The following MYO18B variants were observed in gnomAD, a reference collection of about 807,000 sequenced individuals.
MYO18B encodes myosin XVIIIB.
A neutral mutation model predicts 273.0 loss-of-function variants in MYO18B; 204 were observed. That is an observed-to-expected ratio of 0.75 (90% CI 0.67 to 0.84). MYO18B has a LOEUF of 0.84. Among genes scored for constraint, MYO18B ranks in the 40% least tolerant of loss-of-function variants. MYO18B has a pLI of 0.00. For missense variants in MYO18B, 3,212 were observed against 3,287.6 expected, an observed-to-expected ratio of 0.98 and a Z score of 0.56; for synonymous variants, 1,330 against 1,305.7, an observed-to-expected ratio of 1.02 and a Z score of -0.40.
chr22:25,790,662 C>T (rs1327920824), intron 11 of MYO18B, among the ~76,000 whole-genome samples: 1 of 152,218 alleles, frequency 6.6e-6, no homozygotes, highest in African/African-American at 2.4e-5. Context: ...CAACTCACCA[C>T]CACTTAACTA....
At chr22:25,981,265 C>T (rs1047380253) in intron 39 of MYO18B, among the ~76,000 whole-genome samples, 17 of 152,196 alleles carry the variant, frequency 1.1e-4, no homozygotes, top group African/African-American at 3.6e-4. Context: ...ATGTGTTTCT[C>T]GAGATGAGAA....
chr22:25,758,824 T>C lies in MYO18B; in HGVS notation c.-109-2160T>C, dbSNP rs564132742. Among the ~76,000 whole-genome samples, 155 of 151,940 alleles carry C rather than the reference T, an allele frequency of 1.0e-3. 1 individual carries two copies. The highest frequency in any genetic ancestry group is 2.8e-3 in the Admixed American group (42 of 15,262). ...CCAGACTGGAGTGCAGTGGCATGAT[T>C]TCTGCTCACTGCAAACTCCTCCTCC... On this transcript the variant is annotated intron_variant, in intron 1 of 43. Transcript: ENST00000335473.
At chr22:26,051,152 A>T in the MYO18B span, among the ~76,000 whole-genome samples, 4 of 152,008 alleles carry the variant, frequency 2.6e-5, no homozygotes, top group Admixed American at 1.3e-4. Flanking sequence ...ATTATCTACA[A>T]GATGCATGCT....
chr22:25,903,576 G>A, intron 30 of MYO18B, 55 bp from the exon 31 acceptor site: 1 of 1,522,888 alleles, frequency 6.6e-7, no homozygotes, highest in Non-Finnish European at 8.9e-7. Context: ...ATCCCTGGGG[G>A]AGGAGGGAGG....
chr22:26,054,776 A>G, the MYO18B span, among the ~76,000 whole-genome samples: 22 of 152,254 alleles, frequency 1.4e-4, no homozygotes, highest in African/African-American at 5.3e-4. Context: ...TTTGGCACCA[A>G]TGTCGATGGG....
chr22:25,832,388 A>G (rs2089739837), intron 15 of MYO18B, among the ~76,000 whole-genome samples: 1 of 152,282 alleles, frequency 6.6e-6, no homozygotes. Flanking sequence ...GACAAGCAAA[A>G]TGAGATACGC....
At chr22:25,758,399 G>A (rs2086194564) in intron 1 of MYO18B, among the ~76,000 whole-genome samples, 1 of 150,022 alleles carries the variant, frequency 6.7e-6, no homozygotes, top group African/African-American at 2.5e-5. Flanking sequence ...TGACTTTGTA[G>A]CGACATTATT....
chr22:25,868,224 C>A, intron 21 of MYO18B, 96 bp from the exon 22 acceptor site: 1 of 1,022,878 alleles, frequency 9.8e-7, no homozygotes, highest in Non-Finnish European at 1.5e-6. Flanking sequence ...GGTCATCCTC[C>A]GTCCTGGCGC....
chr22:26,024,811 G>A (rs1436762361), intron 42 of MYO18B, among the ~76,000 whole-genome samples: 1 of 152,216 alleles, frequency 6.6e-6, no homozygotes, highest in Admixed American at 6.5e-5. Context: ...CTAGGTGCCT[G>A]TCTCAGTCTC....
In MYO18B at chr22:25,890,916, G is replaced by C. The variant is rs549541034; in HGVS notation, c.4434+41G>C. 4.4e-6 allele frequency: 7 copies of C among 1,600,692 alleles called. No individual in the cohort carries two copies. The Admixed American group carries it at 1.0e-4, about 24-fold the overall frequency. On this transcript the variant is annotated intron_variant, in intron 26 of 43. Coordinates refer to ENST00000335473, the MANE Select transcript of MYO18B (RefSeq NM_032608.7). ...TGGCCAGGGGTGGCTGAACACGGTG[G>C]CTAAAAATGGTTGGGTCTGCTCCCC...
In MYO18B at chr22:25,891,333, G is replaced by T; in HGVS notation, c.4464G>T (p.Leu1488=). Residue 1488 remains leucine, a synonymous_variant, in exon 27 of 44, where the codon CTG becomes CTT. Coordinates refer to ENST00000335473, the MANE Select transcript of MYO18B (RefSeq NM_032608.7). ...KSKHEQVQKK[L]GDVNKQLEEA... ...AGCATGAACAAGTCCAGAAAAAACT[G>T]GGAGATGTGAATAAACAGTTGGAAG... 6.3e-7 allele frequency: 1 copy of T among 1,579,696 alleles called. No homozygotes were observed. The highest frequency in any genetic ancestry group is 2.3e-5 in the East Asian group (1 of 43,168).
At chr22:25,762,059 G>A (rs56051573) in intron 2 of MYO18B, among the ~76,000 whole-genome samples, 4,685 of 151,728 alleles carry the variant, frequency 0.031, 234 homozygotes, top group African/African-American at 0.11. Context: ...AGCCAAGATC[G>A]CGCCATTGCA....
Position 25,934,615 on chromosome 22 carries a change from A to C in MYO18B, c.5518-11522A>C, listed in dbSNP as rs1601614709. ...ACATTTTAGGGAGACATGAGACATCAATCAATATGTGTAAGAAGTACAGTG... is the reference window on the plus strand; with the variant it reads ...ACATTTTAGGGAGACATGAGACATCCATCAATATGTGTAAGAAGTACAGTG... On this transcript the variant is annotated intron_variant, in intron 34 of 43. Transcript: ENST00000335473. Among the ~76,000 whole-genome samples, 3 of 152,206 alleles carry C rather than the reference A, an allele frequency of 2.0e-5. No individual in the cohort carries two copies. In the South Asian group the frequency reaches 6.2e-4, roughly 32 times the overall value.
chr22:25,842,396 G>C (rs544612370), intron 17 of MYO18B, among the ~76,000 whole-genome samples: 1 of 152,282 alleles, frequency 6.6e-6, no homozygotes, highest in South Asian at 2.1e-4. Context: ...CTGGGGGCCA[G>C]GTGCGGTGGC....
intron 39 of MYO18B, among the ~76,000 whole-genome samples, chr22:25,960,694 C>T (rs921843191): frequency 9.9e-5 from 15 of 152,144 alleles, no homozygotes; most frequent in African/African-American, 3.6e-4. Flanking sequence ...CCTCCTGACC[C>T]ATTTTTGCTC....
intron 38 of MYO18B, 143 bp from the exon 39 acceptor site, chr22:25,955,036 C>T: frequency 1.1e-6 from 1 of 905,354 alleles, no homozygotes; most frequent in South Asian, 2.1e-5. Flanking sequence ...GTTAATTCTT[C>T]ATTTTTGTAG....
Position 25,992,505 on chromosome 22 carries a change from G to C in MYO18B, c.6287+12G>C. Reference sequence around the variant, plus strand: ...AGTGATACTGAGAGGTAACTTGCTAGGGGCTCGGCGGGGCTGGGCGCAGCA... The same window carrying C: ...AGTGATACTGAGAGGTAACTTGCTACGGGCTCGGCGGGGCTGGGCGCAGCA... On this transcript the variant is annotated intron_variant, in intron 40 of 43. Transcript: ENST00000335473. The C allele has an allele frequency of 6.2e-7, 1 of 1,613,576 alleles. No individual in the cohort carries two copies. The highest frequency in any genetic ancestry group is 1.3e-5 in the African/African-American group (1 of 75,042).
intron 12 of MYO18B, among the ~76,000 whole-genome samples, chr22:25,814,131 G>A (rs1010840751): frequency 6.6e-6 from 1 of 152,098 alleles, no homozygotes; most frequent in African/African-American, 2.4e-5. Context: ...GGTGGAGTGA[G>A]GAGATTAGGA....
the MYO18B span, among the ~76,000 whole-genome samples, chr22:26,056,464 A>T: frequency 6.6e-6 from 1 of 152,176 alleles, no homozygotes; most frequent in East Asian, 1.9e-4. Flanking sequence ...TCTACCTTCC[A>T]CAAAGGAGAC....
Sources: allele counts gnomAD v4.1 joint callset (sites outside exome capture counted in the v4.1 genomes callset), GRCh38; gene constraint gnomAD v4.1.1; transcripts MANE v1.5; gene names NCBI Gene and HGNC (gene_info 2026-07-23, HGNC 2026-07-21).